The following MGAT4C variants were observed in gnomAD, a reference collection of about 807,000 sequenced individuals.
MGAT4C encodes alpha-1,3-mannosyl-glycoprotein 4-beta-N-acetylglucosaminyltransferase C.
Under a neutral mutation model 40.1 loss-of-function variants are expected in MGAT4C, and 19 were observed. That is an observed-to-expected ratio of 0.47 (90% CI 0.33 to 0.70). The LOEUF is 0.70. Among genes scored for constraint, MGAT4C ranks in the 30% least tolerant of loss-of-function variants. MGAT4C has a pLI of 0.02. For missense variants in MGAT4C, 491 were observed against 563.2 expected (o/e 0.87, Z 1.30); for synonymous variants, 181 against 187.1 (o/e 0.97, Z 0.27).
intron 3 of MGAT4C, among the ~76,000 whole-genome samples, chr12:86,348,714 A>C (rs992726670): frequency 3.9e-5 from 6 of 152,046 alleles, no homozygotes; most frequent in African/African-American, 1.4e-4. Flanking sequence ...TTAGTTGTTT[A>C]ATTTTTTTAA....
intron 1 of MGAT4C, among the ~76,000 whole-genome samples, chr12:86,126,836 C>T (rs1284707352): frequency 1.3e-5 from 2 of 152,048 alleles, no homozygotes; most frequent in African/African-American, 4.8e-5. Context: ...CTTTTTGGCA[C>T]CTGGGACCGG....
rs1015180000 is a variant in MGAT4C, at chr12:86,344,505, A to C, written c.-119-10378T>G. Among the ~76,000 whole-genome samples, 100 of 152,210 alleles carry C rather than the reference A, an allele frequency of 6.6e-4. 1 individual carries two copies. The highest frequency in any genetic ancestry group is 2.1e-3 in the African/African-American group (86 of 41,450). On this transcript the variant is annotated intron_variant, in intron 3 of 7. Coordinates refer to the MGAT4C transcript ENST00000548651. ...TTTAAAATTTTGTCAAACATTGTTAATACAATTATATGAAATTAAATTATC... is the reference window on the plus strand; with the variant it reads ...TTTAAAATTTTGTCAAACATTGTTACTACAATTATATGAAATTAAATTATC...
intron 1 of MGAT4C, among the ~76,000 whole-genome samples, chr12:86,079,678 T>C (rs1025932480): frequency 1.3e-5 from 2 of 152,026 alleles, no homozygotes; most frequent in African/African-American, 4.8e-5. Context: ...AAAAACTCCA[T>C]AATATTAATG....
intron 3 of MGAT4C, among the ~76,000 whole-genome samples, chr12:86,387,533 A>C (rs1182492931): frequency 6.6e-6 from 1 of 152,174 alleles, no homozygotes; most frequent in Non-Finnish European, 1.5e-5. Flanking sequence ...CTTATAATAA[A>C]TTCATAAGCT....
At chr12:86,011,901 G>C in intron 2 of MGAT4C, 4 of 978,208 alleles carry the variant, frequency 4.1e-6, no homozygotes, top group Non-Finnish European at 4.9e-6. Context: ...ACATGCTACT[G>C]CCTGAAAATA....
intron 1 of MGAT4C, among the ~76,000 whole-genome samples, chr12:86,739,462 A>T (rs915908066): frequency 6.6e-6 from 1 of 151,020 alleles, no homozygotes; most frequent in African/African-American, 2.4e-5. Flanking sequence ...ATGTATATAC[A>T]GTTAGCCCTC....
rs892159173 is a variant in MGAT4C, at chr12:86,308,875, AAAG to A, written c.-57+25187_-57+25189del. Among the ~76,000 whole-genome samples, 10 of 150,776 alleles carry A rather than the reference AAAG, an allele frequency of 6.6e-5. 1 individual carries two copies. Among genetic ancestry groups the A allele is most frequent in the African/African-American group, 1.5e-4 (6 of 40,166 alleles). On this transcript the variant is annotated intron_variant, in intron 4 of 7. Transcript: ENST00000548651. ...ATCTCTGTTCTATAGATTTTTTAAA[AAAG>A]AAGATTTTGGGAGAAGGGACTTGTC...
At position 86,603,500 on chromosome 12, in the gene MGAT4C, CTA is replaced by C. The variant is rs1294283951; in HGVS notation, c.-229+123707_-229+123708del. On this transcript the variant is annotated intron_variant, in intron 2 of 7. Transcript: ENST00000548651. ...TAGTCTATAGACTATATAATATATA[CTA>C]TATATAGTCTATAGTCTATAGACTA... Among the ~76,000 whole-genome samples, 301 of 78,990 alleles carry C rather than the reference CTA, an allele frequency of 3.8e-3. 2 individuals carry two copies. The highest frequency in any genetic ancestry group is 0.013 in the African/African-American group (285 of 21,462). 51.8% of individuals were successfully genotyped at this position (78,990 alleles called of 152,430 possible).
chr12:86,793,295 GTAAT>G (rs1952058395), intron 1 of MGAT4C, among the ~76,000 whole-genome samples: 1 of 152,110 alleles, frequency 6.6e-6, no homozygotes, highest in Middle Eastern at 3.2e-3. Context: ...GATTTATGGA[GTAAT>G]TAAAGCAAAC....
intron 2 of MGAT4C, among the ~76,000 whole-genome samples, chr12:86,040,941 C>T (rs1891765927): frequency 6.6e-6 from 1 of 152,084 alleles, no homozygotes; most frequent in Admixed American, 6.5e-5. Flanking sequence ...AGGGAGTTCC[C>T]CGAGCCCTTG....
chr12:86,808,396 C>T (rs992589073), intron 1 of MGAT4C, among the ~76,000 whole-genome samples: 18 of 151,998 alleles, frequency 1.2e-4, no homozygotes, highest in Non-Finnish European at 1.5e-4. Context: ...TACTGGAAAA[C>T]CAAATCTAGC....
chr12:86,553,496 C>A (rs2136399465), intron 2 of MGAT4C, among the ~76,000 whole-genome samples: 1 of 152,210 alleles, frequency 6.6e-6, no homozygotes, highest in East Asian at 1.9e-4. Context: ...ATAACTACTT[C>A]TTGCCACCCT....
At chr12:86,495,671 T>A (rs970374019) in intron 2 of MGAT4C, among the ~76,000 whole-genome samples, 1 of 152,010 alleles carries the variant, frequency 6.6e-6, no homozygotes, top group Non-Finnish European at 1.5e-5. Flanking sequence ...GTGGGGATGG[T>A]GAAACCGGCC....
At chr12:86,585,163 T>C (rs1290063461) in intron 2 of MGAT4C, among the ~76,000 whole-genome samples, 2 of 151,458 alleles carry the variant, frequency 1.3e-5, no homozygotes, top group Admixed American at 1.3e-4. Flanking sequence ...TTAAATATTA[T>C]AGTTTTATAG....
chr12:86,174,378 C>T (rs775589251), intron 1 of MGAT4C, among the ~76,000 whole-genome samples: 1 of 151,992 alleles, frequency 6.6e-6, no homozygotes, highest in Admixed American at 6.6e-5. Context: ...GTGTGAATTG[C>T]GCAAGTGATG....
At chr12:86,223,717 A>G (rs1950968863) in intron 1 of MGAT4C, among the ~76,000 whole-genome samples, 1 of 152,130 alleles carries the variant, frequency 6.6e-6, no homozygotes, top group African/African-American at 2.4e-5. Flanking sequence ...AGGGGCCTAG[A>G]AGTTGTCCAG....
chr12:86,818,778 G>C (rs1952651187), intron 1 of MGAT4C, among the ~76,000 whole-genome samples: 1 of 151,042 alleles, frequency 6.6e-6, no homozygotes, highest in Non-Finnish European at 1.5e-5. Flanking sequence ...ATATGATAAA[G>C]AACTTCAGTA....
At chr12:86,419,683 G>T (rs1161437060) in intron 3 of MGAT4C, among the ~76,000 whole-genome samples, 2 of 152,136 alleles carry the variant, frequency 1.3e-5, no homozygotes, top group Admixed American at 6.6e-5. Context: ...GAGATGAATG[G>T]ACAAGGCCAT....
chr12:86,317,644 T>C (rs1218823936), intron 4 of MGAT4C, among the ~76,000 whole-genome samples: 1 of 152,030 alleles, frequency 6.6e-6, no homozygotes, highest in African/African-American at 2.4e-5. Context: ...TCTACTCTTT[T>C]GAGAAGTTAG....
Sources: gnomAD v4.1 joint callset for allele counts (sites outside exome capture counted in the v4.1 genomes callset) on GRCh38, gnomAD v4.1.1 for gene constraint, MANE v1.5 for transcripts, NCBI Gene and HGNC (gene_info 2026-07-23, HGNC 2026-07-21) for gene names.